The following CDH18 variants were observed in gnomAD, a reference collection of about 807,000 sequenced individuals.
The protein encoded by CDH18 is cadherin-18.
In CDH18, 31 loss-of-function variants were observed where a neutral mutation model predicts 67.9. The ratio of observed to expected loss-of-function variants is 0.46; its 90% CI spans 0.34 to 0.62. The LOEUF (loss-of-function observed/expected upper bound fraction) is 0.62, where lower values mean the gene tolerates loss of function less well. Among genes scored for constraint, CDH18 ranks in the 20% least tolerant of loss-of-function variants. The pLI, the probability that CDH18 is intolerant of heterozygous loss-of-function variation, is 0.01. For missense variants in CDH18, 890 were observed against 975.5 expected (o/e 0.91, Z 1.17); for synonymous variants, 362 against 347.2 (o/e 1.04, Z -0.48).
intron 3 of CDH18, among the ~76,000 whole-genome samples, chr5:19,837,540 C>T (rs1781806312): frequency 6.6e-6 from 1 of 152,008 alleles, no homozygotes; most frequent in African/African-American, 2.4e-5. Context: ...AAAAAGCATA[C>T]AATGAAGATA....
chr5:20,360,473 G>T (rs1004653217), intron 1 of CDH18, among the ~76,000 whole-genome samples: 2 of 152,140 alleles, frequency 1.3e-5, no homozygotes, highest in Admixed American at 1.3e-4. Context: ...TGTTAGGTTG[G>T]CATCATTCCT....
chr5:20,188,261 T>A, intron 2 of CDH18, among the ~76,000 whole-genome samples: 1 of 152,054 alleles, frequency 6.6e-6, no homozygotes, highest in East Asian at 1.9e-4. Context: ...AAACCTCATG[T>A]TGAAGCTATA....
intron 2 of CDH18, among the ~76,000 whole-genome samples, chr5:20,087,712 A>T (rs1401855299): frequency 1.3e-5 from 2 of 152,200 alleles, no homozygotes; most frequent in African/African-American, 2.4e-5. Flanking sequence ...ATATGATGCT[A>T]TTTTGCACTT....
chr5:19,614,738 A>C (rs1159838632), intron 5 of CDH18, among the ~76,000 whole-genome samples: 6 of 152,212 alleles, frequency 3.9e-5, no homozygotes, highest in African/African-American at 1.4e-4. Context: ...ATCTACAACC[A>C]CTTCCAGGAT....
chr5:20,397,061 G>T (rs1034768337), intron 1 of CDH18, among the ~76,000 whole-genome samples: 4 of 152,072 alleles, frequency 2.6e-5, no homozygotes, highest in African/African-American at 4.8e-5. Flanking sequence ...AAAAGAAAAA[G>T]ACTCAACTCA....
intron 1 of CDH18, among the ~76,000 whole-genome samples, chr5:20,529,632 T>G (rs1756279508): frequency 6.6e-6 from 1 of 151,820 alleles, no homozygotes; most frequent in Non-Finnish European, 1.5e-5. Flanking sequence ...AAACTAAAGA[T>G]AAAACCAGAT....
upstream of CDH18, among the ~76,000 whole-genome samples, chr5:19,989,147 C>T (rs1050307316): frequency 6.6e-6 from 1 of 152,168 alleles, no homozygotes; most frequent in Admixed American, 6.5e-5. Flanking sequence ...CACACTCACC[C>T]ATTGAGCACA....
chr5:20,100,368 C>T (rs1349230755), intron 2 of CDH18, among the ~76,000 whole-genome samples: 2 of 152,024 alleles, frequency 1.3e-5, no homozygotes, highest in Non-Finnish European at 2.9e-5. Context: ...GTGACAATTA[C>T]AATAAAATTG....
intron 1 of CDH18, among the ~76,000 whole-genome samples, chr5:20,296,130 T>C (rs977080642): frequency 5.3e-5 from 8 of 151,826 alleles, no homozygotes; most frequent in East Asian, 1.9e-4. Flanking sequence ...CGCCTCAGCC[T>C]CCCAAAGTGC....
chr5:20,437,711 A>G (rs1160558572), intron 1 of CDH18, among the ~76,000 whole-genome samples: 2 of 151,440 alleles, frequency 1.3e-5, no homozygotes, highest in Non-Finnish European at 3.0e-5. Flanking sequence ...AAGTACCCAA[A>G]ATAACTTTCC....
intron 1 of CDH18, among the ~76,000 whole-genome samples, chr5:20,376,275 A>G (rs767568736): frequency 2.7e-5 from 4 of 150,876 alleles, no homozygotes; most frequent in South Asian, 2.1e-4. Flanking sequence ...TTGTATTTTT[A>G]GTAGAGACGG....
At chr5:20,562,817 A>G (rs1758292970) in intron 1 of CDH18, among the ~76,000 whole-genome samples, 5 of 151,962 alleles carry the variant, frequency 3.3e-5, no homozygotes, top group Admixed American at 3.3e-4. Flanking sequence ...GGTTTAAATC[A>G]TAGAATAAGT....
chr5:20,540,364 A>G (rs1245740384), intron 1 of CDH18, among the ~76,000 whole-genome samples: 1 of 152,188 alleles, frequency 6.6e-6, no homozygotes, highest in Non-Finnish European at 1.5e-5. Context: ...TGGAAATCAT[A>G]ACCATATGTC....
chr5:19,744,536 A>ACG (rs1769707596), intron 4 of CDH18, among the ~76,000 whole-genome samples: 1 of 151,698 alleles, frequency 6.6e-6, no homozygotes, highest in African/African-American at 2.4e-5. Flanking sequence ...ACACACACAC[A>ACG]CACATCTATT....
At chr5:20,117,505 A>G (rs1748021189) in intron 2 of CDH18, among the ~76,000 whole-genome samples, 1 of 152,180 alleles carries the variant, frequency 6.6e-6, no homozygotes, top group South Asian at 2.1e-4. Flanking sequence ...GCTAGTGGAG[A>G]TAAATTGAGT....
At chr5:19,971,221 T>C (rs1174096185) in intron 2 of CDH18, among the ~76,000 whole-genome samples, 1 of 151,962 alleles carries the variant, frequency 6.6e-6, no homozygotes, top group Non-Finnish European at 1.5e-5. Context: ...GGTATCCAGT[T>C]TGCTTGTTCT....
intron 4 of CDH18, among the ~76,000 whole-genome samples, chr5:19,737,911 CAGTA>C (rs1415096530): frequency 6.6e-6 from 1 of 151,958 alleles, no homozygotes; most frequent in Non-Finnish European, 1.5e-5. Context: ...TCTATTTCCT[CAGTA>C]AGAAAGAAAC....
intron 2 of CDH18, among the ~76,000 whole-genome samples, chr5:20,177,243 T>G (rs1356782300): frequency 6.6e-6 from 1 of 152,090 alleles, no homozygotes. Flanking sequence ...CTGACGCAAT[T>G]TTCCTACAGA....
chr5:20,310,457 A>C (rs1415601704), intron 1 of CDH18, among the ~76,000 whole-genome samples: 4 of 152,150 alleles, frequency 2.6e-5, no homozygotes, highest in Non-Finnish European at 5.9e-5. Flanking sequence ...TTAAAATATA[A>C]AATAGTGATT....
Sources: gnomAD v4.1 joint callset for allele counts (sites outside exome capture counted in the v4.1 genomes callset) on GRCh38, gnomAD v4.1.1 for gene constraint, MANE v1.5 for transcripts, NCBI Gene and HGNC (gene_info 2026-07-23, HGNC 2026-07-21) for gene names.